Variants in ELN observed in about 807,000 individuals in gnomAD.
ELN encodes elastin, also known as tropoelastin.
Under a neutral mutation model 105.8 loss-of-function variants are expected in ELN, and 65 were observed. That is an observed-to-expected ratio of 0.61 (90% CI 0.50 to 0.75). ELN has a LOEUF of 0.75. Ranked by LOEUF, ELN falls within the 30% of genes least tolerant of loss-of-function variation. ELN has a pLI of 0.00. For synonymous variants in ELN, 368 were observed against 389.2 expected (o/e 0.95, Z 0.64); for missense variants, 882 against 969.4 (o/e 0.91, Z 1.20).
At chr7:74,046,854 CG>C in intron 12 of ELN, 87 bp downstream of exon 12, 1 of 1,467,412 alleles carries the variant, frequency 6.8e-7, no homozygotes. Context: ...GAGGCTAAGG[CG>C]GGCAGATCAC....
chr7:74,056,831 C>T (rs370274269), intron 21 of ELN, 118 bp downstream of exon 21: 219 of 1,314,438 alleles, frequency 1.7e-4, no homozygotes, highest in East Asian at 3.5e-4. Context: ...ACCAAGGTCA[C>T]GAGGCCCCTG....
intron 24 of ELN, 77 bp downstream of exon 24, chr7:74,060,261 C>T (rs1301714820): frequency 5.6e-6 from 9 of 1,613,598 alleles, no homozygotes; most frequent in Non-Finnish European, 6.8e-6. Context: ...AGGGAGGAGG[C>T]CGCTGCTTGG....
intron 32 of ELN, among the ~76,000 whole-genome samples, chr7:74,067,859 C>T (rs1253319426): frequency 2.3e-5 from 3 of 131,592 alleles, no homozygotes; most frequent in Non-Finnish European, 4.6e-5. Context: ...ACCCAGGAGG[C>T]GGAGGTTGCA....
At chr7:74,045,105 C>A in intron 9 of ELN, 117 bp from the exon 10 acceptor site, 3 of 1,143,778 alleles carry the variant, frequency 2.6e-6, no homozygotes, top group South Asian at 1.2e-5. Context: ...GTGAGCCGTG[C>A]CTGTCACTGA....
intron 1 of ELN, among the ~76,000 whole-genome samples, chr7:74,032,228 T>A (rs919020127): frequency 6.6e-6 from 1 of 151,988 alleles, no homozygotes; most frequent in Non-Finnish European, 1.5e-5. Flanking sequence ...CAAAACCACA[T>A]AAAACAAGAC....
At chr7:74,046,549 C>A in intron 11 of ELN, 147 bp from the exon 12 acceptor site, 1 of 843,612 alleles carries the variant, frequency 1.2e-6, no homozygotes, top group Non-Finnish European at 1.9e-6. Flanking sequence ...TCAACTGACC[C>A]ATGATGGAGA....
chr7:74,037,563 G>C (rs1790261722), intron 3 of ELN, 144 bp from the exon 4 acceptor site: 1 of 1,215,078 alleles, frequency 8.2e-7, no homozygotes, highest in Non-Finnish European at 1.2e-6. Context: ...AGTAGAGCTA[G>C]GTTCCCAGGG....
At chr7:74,028,779 G>T (rs1019694941) in intron 1 of ELN, among the ~76,000 whole-genome samples, 7 of 152,198 alleles carry the variant, frequency 4.6e-5, no homozygotes, top group Non-Finnish European at 7.3e-5. Flanking sequence ...GAAGGTCAGG[G>T]CTCCGCTGAG....
rs782061200 is a variant in ELN, at chr7:74,036,628, G to A, written c.163+44G>A. 2.5e-5 allele frequency: 40 copies of A among 1,613,824 alleles called. 1 individual carries two copies. In the South Asian group the frequency reaches 3.7e-4, roughly 15 times the overall value. ...CTTGTTCATCACTGAAAGGGCCTGG[G>A]TTTCACCCGAGCCACATGCATCCTC... On this transcript the variant is annotated intron_variant, in intron 3 of 32. Transcript: ENST00000252034.
At chr7:74,028,307 A>G (rs1787897355) in intron 1 of ELN, 38 bp downstream of exon 1, 2 of 1,589,916 alleles carry the variant, frequency 1.3e-6, no homozygotes, top group Admixed American at 3.4e-5. Context: ...CGCTGCCCAC[A>G]GCTGCGGGCC....
chr7:74,055,421 TAAAAATAAAAAA>T (rs1254952144), intron 19 of ELN, among the ~76,000 whole-genome samples: 1 of 151,706 alleles, frequency 6.6e-6, no homozygotes, highest in East Asian at 1.9e-4. Context: ...AAAATAAAAA[TAAAAATAAAAAA>T]TAAAATAAAT....
chr7:74,060,425 C>T lies in ELN; in HGVS notation c.1671C>T (p.Val557=), dbSNP rs563533415. 56 of 1,613,960 alleles carry T rather than the reference C, an allele frequency of 3.5e-5. No individual in the cohort carries two copies. In the Admixed American group the frequency reaches 5.3e-4, roughly 15 times the overall value. ...GCATCCCTGGACTTGGAGTTGGTGTCGGCGTCCCTGGACTTGGAGTTGGTG... is the reference window on the plus strand; with the variant it reads ...GCATCCCTGGACTTGGAGTTGGTGTTGGCGTCCCTGGACTTGGAGTTGGTG... The part of the protein sequence containing the change: ...GAGIPGLGVG[V]GVPGLGVGAG... The change falls in exon 25 of 33, where the codon GTC becomes GTT. Residue 557 remains valine (V), a synonymous_variant. Coordinates refer to ENST00000252034, the MANE Select transcript of ELN (RefSeq NM_000501.4).
rs1287013697 is a variant in ELN at position 74,043,363 on chromosome 7, C to T, written c.427+195C>T. On this transcript the variant is annotated intron_variant, in intron 8 of 32. Coordinates refer to ENST00000252034, the MANE Select transcript of ELN (RefSeq NM_000501.4). ...AGGGGCCTGGCCCACTTCCCGGGCC[C>T]TTCTCCCGGGATCTTGGGGTAGAAA... 4 of 843,934 alleles carry T rather than the reference C, an allele frequency of 4.7e-6. No homozygotes were observed. In the African/African-American group the frequency reaches 6.7e-5, roughly 14 times the overall value. The allele number at this position is 843,934 out of a possible 1,614,324, so 52.3% of individuals were successfully genotyped here. A position where few individuals can be genotyped will look rare whatever the true frequency, so the allele number is the denominator to read the frequency against.
intron 15 of ELN, among the ~76,000 whole-genome samples, chr7:74,050,690 C>A (rs1181289554): frequency 1.3e-5 from 2 of 152,136 alleles, no homozygotes; most frequent in Non-Finnish European, 2.9e-5. Flanking sequence ...TCCCTCACTG[C>A]CTCCTCCCAC....
At chr7:74,053,447 A>C in intron 18 of ELN, 138 bp downstream of exon 18, 8 of 1,497,626 alleles carry the variant, frequency 5.3e-6, no homozygotes, top group South Asian at 1.2e-5. Flanking sequence ...ACCACGTCTC[A>C]TCCCCTCATC....
intron 18 of ELN, among the ~76,000 whole-genome samples, chr7:74,054,034 A>G (rs1431426918): frequency 6.6e-6 from 1 of 152,042 alleles, no homozygotes; most frequent in South Asian, 2.1e-4. Context: ...GGGTGGGTGG[A>G]ATGGTGGGCA....
At chr7:74,037,678 C>G (rs1790292695) in intron 3 of ELN, 29 bp from the exon 4 acceptor site, 9 of 1,608,828 alleles carry the variant, frequency 5.6e-6, no homozygotes, top group Non-Finnish European at 6.8e-6. Context: ...CTGGGCCACC[C>G]CATTCACTAT....
At chr7:74,051,607 C>A (rs1794050596) in intron 15 of ELN, 143 bp from the exon 16 acceptor site, 1 of 821,374 alleles carries the variant, frequency 1.2e-6, no homozygotes, top group Non-Finnish European at 1.9e-6. Context: ...TGGGGGCCTC[C>A]CCAGACAGGC....
Position 74,029,786 on chromosome 7 carries a change from C to T in ELN, c.82+1517C>T, listed in dbSNP as rs56331128. Among the ~76,000 whole-genome samples, 1,259 of 152,310 alleles carry T rather than the reference C, an allele frequency of 8.3e-3. 10 individuals are homozygous for T. The highest frequency in any genetic ancestry group is 0.014 in the Non-Finnish European group (967 of 68,036). ...CACCCTTCTTCCCAGATGGGGCCAC[C>T]ACCTATAGGGTGGCAGTTCATCATC... On this transcript the variant is annotated intron_variant, in intron 1 of 32. Transcript: ENST00000252034.
Sources: allele counts gnomAD v4.1 joint callset (sites outside exome capture counted in the v4.1 genomes callset), GRCh38; gene constraint gnomAD v4.1.1; transcripts MANE v1.5; gene names NCBI Gene and HGNC (gene_info 2026-07-23, HGNC 2026-07-21).